ZMAT4: variants seen among roughly 807,000 people sequenced by gnomAD.
ZMAT4 encodes the protein zinc finger matrin-type 4, also known as zinc finger matrin-type protein 4.
A neutral mutation model predicts 28.7 loss-of-function variants in ZMAT4; 17 were observed. That is an observed-to-expected ratio of 0.59 (90% CI 0.41 to 0.89). ZMAT4 has a LOEUF of 0.89. ZMAT4 is among the 40% of genes least tolerant of loss of function. The probability of loss-of-function intolerance (pLI) is 0.00; values close to 1 mark genes in which losing one functional copy is unlikely to be tolerated. For missense variants in ZMAT4, 240 were observed against 283.8 expected, an observed-to-expected ratio of 0.85 and a Z score of 1.11; for synonymous variants, 117 against 109.2, an observed-to-expected ratio of 1.07 and a Z score of -0.44.
At chr8:40,850,342 C>T (rs899829700) in intron 1 of ZMAT4, among the ~76,000 whole-genome samples, 1 of 152,142 alleles carries the variant, frequency 6.6e-6, no homozygotes, top group African/African-American at 2.4e-5. Flanking sequence ...TTCCCCTCAT[C>T]GACTGTGGAG....
At chr8:40,716,067 G>A (rs1810841139) in intron 3 of ZMAT4, among the ~76,000 whole-genome samples, 1 of 152,174 alleles carries the variant, frequency 6.6e-6, no homozygotes, top group Admixed American at 6.5e-5. Flanking sequence ...TTATCACTCA[G>A]CACAGAGGAA....
intron 6 of ZMAT4, among the ~76,000 whole-genome samples, chr8:40,565,758 C>CT (rs113385364): frequency 0.21 from 29,843 of 140,624 alleles, 3,587 homozygotes; most frequent in Non-Finnish European, 0.28. Context: ...TCCAGGCTAC[C>CT]TTTTTTTTTT....
intron 2 of ZMAT4, among the ~76,000 whole-genome samples, chr8:40,823,973 G>T (rs1201831232): frequency 1.3e-5 from 2 of 152,124 alleles, no homozygotes; most frequent in Non-Finnish European, 2.9e-5. Context: ...AGACTTCACA[G>T]CTTCCAAAGC....
chr8:40,857,312 C>A (rs768052518), intron 1 of ZMAT4, among the ~76,000 whole-genome samples: 1 of 151,960 alleles, frequency 6.6e-6, no homozygotes, highest in Non-Finnish European at 1.5e-5. Context: ...TATGGTCATG[C>A]CTGAGAATAG....
intron 1 of ZMAT4, among the ~76,000 whole-genome samples, chr8:40,873,242 T>C (rs1586201582): frequency 1.3e-5 from 2 of 152,332 alleles, no homozygotes; most frequent in East Asian, 1.9e-4. Context: ...GAAAAGATAA[T>C]GCTAATGTTG....
At position 40,762,850 on chromosome 8, in the gene ZMAT4, T is replaced by C. The variant is rs1051738638; in HGVS notation, c.192+4791A>G. 7.2e-5 allele frequency among the ~76,000 whole-genome samples: 11 copies of C among 152,218 alleles called. No individual in the cohort carries two copies. The South Asian group carries it at 2.1e-3, about 29-fold the overall frequency. Reference sequence around the variant, plus strand: ...AGAACTGCCAGAGAATAAATGCTCTTTGTTGAAGCCACCCAGTTTGTGGCA... The same window carrying C: ...AGAACTGCCAGAGAATAAATGCTCTCTGTTGAAGCCACCCAGTTTGTGGCA... On this transcript the variant is annotated intron_variant, in intron 3 of 6. Transcript: ENST00000297737.
intron 1 of ZMAT4, among the ~76,000 whole-genome samples, chr8:40,842,768 A>G (rs1816747869): frequency 6.6e-6 from 1 of 152,128 alleles, no homozygotes; most frequent in Non-Finnish European, 1.5e-5. Flanking sequence ...GTCCTACAGG[A>G]TATTATAAAA....
chr8:40,896,881 G>C (rs561096233), intron 1 of ZMAT4, among the ~76,000 whole-genome samples: 2 of 152,142 alleles, frequency 1.3e-5, no homozygotes, highest in Admixed American at 1.3e-4. Flanking sequence ...AGAGCTGCGG[G>C]GATGCTCCGG....
chr8:40,889,776 A>G (rs183103454), intron 1 of ZMAT4, among the ~76,000 whole-genome samples: 3 of 152,338 alleles, frequency 2.0e-5, no homozygotes, highest in East Asian at 3.9e-4. Flanking sequence ...GCCTCCATGC[A>G]ATGTTTGCTG....
chr8:40,673,211 C>T (rs1439683779), intron 5 of ZMAT4, among the ~76,000 whole-genome samples: 1 of 152,182 alleles, frequency 6.6e-6, no homozygotes, highest in African/African-American at 2.4e-5. Context: ...TAAAATGCCA[C>T]CCACTTTTCT....
At chr8:40,673,440 T>G (rs541037371) in intron 5 of ZMAT4, among the ~76,000 whole-genome samples, 5 of 152,318 alleles carry the variant, frequency 3.3e-5, no homozygotes, top group African/African-American at 1.2e-4. Context: ...GAACCCTGTT[T>G]AAACTGAGGT....
chr8:40,702,002 T>A (rs897188284), intron 3 of ZMAT4, among the ~76,000 whole-genome samples: 1 of 152,140 alleles, frequency 6.6e-6, no homozygotes, highest in African/African-American at 2.4e-5. Context: ...TTAATGCTGT[T>A]ATGGAGAGAG....
chr8:40,693,634 T>G (rs1809751836), intron 4 of ZMAT4, among the ~76,000 whole-genome samples: 1 of 152,206 alleles, frequency 6.6e-6, no homozygotes, highest in South Asian at 2.1e-4. Context: ...AGCAAATATT[T>G]TAGGCTTTGT....
intron 5 of ZMAT4, among the ~76,000 whole-genome samples, chr8:40,642,090 C>T (rs1807057635): frequency 6.6e-6 from 1 of 152,074 alleles, no homozygotes; most frequent in Non-Finnish European, 1.5e-5. Flanking sequence ...AATAAAAATA[C>T]AGGATGCTCA....
At chr8:40,746,271 TCC>T in intron 3 of ZMAT4, among the ~76,000 whole-genome samples, 2 of 120,444 alleles carry the variant, frequency 1.7e-5, no homozygotes, top group Non-Finnish European at 1.8e-5. Flanking sequence ...CTCCCTTCCT[TCC>T]TTTCTTTCTT....
intron 2 of ZMAT4, among the ~76,000 whole-genome samples, chr8:40,774,631 T>A (rs1028936811): frequency 6.6e-6 from 1 of 151,644 alleles, no homozygotes; most frequent in Non-Finnish European, 1.5e-5. Context: ...ATCCATATAA[T>A]AGATACCAAA....
At chr8:40,870,701 C>T (rs1483000505) in intron 1 of ZMAT4, among the ~76,000 whole-genome samples, 2 of 152,150 alleles carry the variant, frequency 1.3e-5, no homozygotes, top group Non-Finnish European at 2.9e-5. Context: ...CCTTCAAACA[C>T]CAGGCACATG....
chr8:40,684,827 G>A (rs1325833368), intron 4 of ZMAT4, among the ~76,000 whole-genome samples: 1 of 152,108 alleles, frequency 6.6e-6, no homozygotes. Context: ...TGAATTTACG[G>A]AAGTTGGTGC....
chr8:40,797,864 A>T (rs1331831641), intron 2 of ZMAT4, among the ~76,000 whole-genome samples: 1 of 152,228 alleles, frequency 6.6e-6, no homozygotes, highest in East Asian at 1.9e-4. Flanking sequence ...TAGGACAGGC[A>T]GCCTTTGGAT....
Sources: allele counts gnomAD v4.1 joint callset (sites outside exome capture counted in the v4.1 genomes callset), GRCh38; gene constraint gnomAD v4.1.1; transcripts MANE v1.5; gene names NCBI Gene and HGNC (gene_info 2026-07-23, HGNC 2026-07-21).